NAALADL2: variants seen among roughly 807,000 people sequenced by gnomAD.
NAALADL2 encodes the protein N-acetylated alpha-linked acidic dipeptidase like 2, also known as inactive N-acetylated-alpha-linked acidic dipeptidase-like protein 2.
Under a neutral mutation model 87.2 loss-of-function variants are expected in NAALADL2, and 76 were observed. That is an observed-to-expected ratio of 0.87 (90% confidence interval 0.72 to 1.05). NAALADL2 has a LOEUF of 1.05. Among genes scored for constraint, NAALADL2 ranks in the 50% least tolerant of loss-of-function variants. The probability of loss-of-function intolerance (pLI) is 0.00; values close to 1 mark genes in which losing one functional copy is unlikely to be tolerated. For synonymous variants in NAALADL2, 354 were observed against 331.0 expected (o/e 1.07, Z -0.75); for missense variants, 1,089 against 945.8 (o/e 1.15, Z -1.99).
In NAALADL2 at chr3:175,350,068, A is replaced by G. The variant is rs1006394045; in HGVS notation, c.1090+25743A>G. 1.0e-4 allele frequency among the ~76,000 whole-genome samples: 15 copies of G among 150,064 alleles called. No homozygotes were observed. The East Asian group carries it at 2.4e-3, about 24-fold the overall frequency. ...CAAGGCTTGATTGAAAAAAAAAAAAAGGATAAACTTAATAGTCCTTAATTA... is the reference window on the plus strand; with the variant it reads ...CAAGGCTTGATTGAAAAAAAAAAAAGGGATAAACTTAATAGTCCTTAATTA... On this transcript the variant is annotated intron_variant, in intron 5 of 13. Coordinates refer to ENST00000454872, the MANE Select transcript of NAALADL2 (RefSeq NM_207015.3).
intron 5 of NAALADL2, among the ~76,000 whole-genome samples, chr3:175,421,417 C>T (rs1715676967): frequency 6.6e-6 from 1 of 152,006 alleles, no homozygotes; most frequent in African/African-American, 2.4e-5. Flanking sequence ...TTAATATGTC[C>T]TCAAGGTCAC....
rs987617238 is a variant in NAALADL2, at chr3:174,471,557, C to T, written c.-184+30525C>T. Among the ~76,000 whole-genome samples, 6 of 142,296 alleles carry T rather than the reference C, an allele frequency of 4.2e-5. No individual in the cohort carries two copies. The Admixed American group carries it at 4.5e-4, about 11-fold the overall frequency. 93.4% of individuals were successfully genotyped at this position (142,296 alleles called of 152,430 possible). A position where few individuals can be genotyped will look rare whatever the true frequency, so the allele number is the denominator to read the frequency against. ...TTTTCTATTTTTTTCTACAAAAATT[C>T]CATGAGACTATCAATTTTTTTTAAG... On this transcript the variant is annotated intron_variant, in intron 1 of 3. Transcript: ENST00000434257.
At chr3:175,260,722 A>G (rs775660104) in intron 4 of NAALADL2, among the ~76,000 whole-genome samples, 11 of 152,188 alleles carry the variant, frequency 7.2e-5, no homozygotes, top group Non-Finnish European at 1.2e-4. Flanking sequence ...GCTGTGCAGT[A>G]GTTACTAAAT....
At chr3:174,658,546 A>G (rs904371117) in intron 2 of NAALADL2, among the ~76,000 whole-genome samples, 2 of 152,038 alleles carry the variant, frequency 1.3e-5, no homozygotes, top group Non-Finnish European at 2.9e-5. Flanking sequence ...TGCAATCATC[A>G]TTACCTTTGA....
At chr3:175,160,518 A>G (rs1023124695) in intron 2 of NAALADL2, among the ~76,000 whole-genome samples, 22 of 150,870 alleles carry the variant, frequency 1.5e-4, no homozygotes, top group Non-Finnish European at 3.1e-4. Flanking sequence ...ACATCCAGCT[A>G]ATTTTGTATT....
chr3:175,508,080 G>A (rs1730604316), intron 9 of NAALADL2, among the ~76,000 whole-genome samples: 2 of 152,154 alleles, frequency 1.3e-5, no homozygotes, highest in Non-Finnish European at 2.9e-5. Context: ...ACAAAGGCAG[G>A]AGCAAGTGAT....
chr3:175,277,617 T>A (rs1457204031), intron 4 of NAALADL2, among the ~76,000 whole-genome samples: 1 of 152,186 alleles, frequency 6.6e-6, no homozygotes, highest in Non-Finnish European at 1.5e-5. Flanking sequence ...CCTTATTGTG[T>A]CAACCCATAC....
intron 3 of NAALADL2, among the ~76,000 whole-genome samples, chr3:174,761,472 C>A (rs182804853): frequency 3.5e-4 from 54 of 152,178 alleles, no homozygotes; most frequent in Non-Finnish European, 6.5e-4. Flanking sequence ...GGATCACTTA[C>A]AAGGTTCTTG....
intron 5 of NAALADL2, among the ~76,000 whole-genome samples, chr3:175,379,229 T>C (rs750802910): frequency 1.3e-4 from 20 of 151,956 alleles, no homozygotes; most frequent in Non-Finnish European, 1.2e-4. Context: ...TCTTCTTTCA[T>C]TATTTTCAGT....
At chr3:175,723,142 A>C (rs1455598929) in intron 11 of NAALADL2, among the ~76,000 whole-genome samples, 1 of 152,132 alleles carries the variant, frequency 6.6e-6, no homozygotes, top group African/African-American at 2.4e-5. Context: ...CATTTATATG[A>C]GCAAGTCGCC....
intron 5 of NAALADL2, among the ~76,000 whole-genome samples, chr3:175,399,026 AT>A (rs919534517): frequency 4.0e-5 from 6 of 151,772 alleles, no homozygotes; most frequent in African/African-American, 7.2e-5. Flanking sequence ...CCTAGGTACA[AT>A]TTTTTTTAAC....
At chr3:174,559,808 C>T (rs1713358620) in intron 2 of NAALADL2, among the ~76,000 whole-genome samples, 1 of 152,090 alleles carries the variant, frequency 6.6e-6, no homozygotes, top group African/African-American at 2.4e-5. Flanking sequence ...TCCCAAAGGC[C>T]CTACCTACTA....
At chr3:175,320,056 G>A (rs1237293303) in intron 4 of NAALADL2, among the ~76,000 whole-genome samples, 2 of 152,096 alleles carry the variant, frequency 1.3e-5, no homozygotes, top group Admixed American at 6.5e-5. Flanking sequence ...GTCACACAAC[G>A]AGCAGTGACT....
At chr3:174,886,009 G>T (rs966313133) in intron 1 of NAALADL2, among the ~76,000 whole-genome samples, 25 of 144,834 alleles carry the variant, frequency 1.7e-4, no homozygotes, top group African/African-American at 6.1e-4. Context: ...CGCCTCCTGG[G>T]TTCACGCCAT....
chr3:175,525,538 C>G (rs1464520484), intron 9 of NAALADL2, among the ~76,000 whole-genome samples: 1 of 151,996 alleles, frequency 6.6e-6, no homozygotes, highest in Non-Finnish European at 1.5e-5. Context: ...TTTCTCAAAT[C>G]TAGTTTTCTC....
chr3:175,073,871 T>C (rs1716108631), intron 1 of NAALADL2, among the ~76,000 whole-genome samples: 1 of 152,030 alleles, frequency 6.6e-6, no homozygotes, highest in Admixed American at 6.6e-5. Context: ...AAACCTCAGT[T>C]AGGACTTCTT....
At chr3:175,024,718 A>AT (rs201755469) in intron 1 of NAALADL2, among the ~76,000 whole-genome samples, 3,743 of 111,516 alleles carry the variant, frequency 0.034, 164 homozygotes, top group African/African-American at 0.094. Context: ...TAATTATCTT[A>AT]TTTTTTTTCA....
intron 2 of NAALADL2, among the ~76,000 whole-genome samples, chr3:174,584,592 A>G (rs933755212): frequency 3.3e-5 from 5 of 152,132 alleles, no homozygotes; most frequent in Non-Finnish European, 5.9e-5. Flanking sequence ...TCAAAAAATT[A>G]TGGTCAGATT....
chr3:174,559,958 GATC>G (rs930318585), intron 2 of NAALADL2, among the ~76,000 whole-genome samples: 4 of 152,166 alleles, frequency 2.6e-5, no homozygotes, highest in African/African-American at 9.7e-5. Context: ...TCTTTGAGCA[GATC>G]ATTTTTACCT....
Sources: gnomAD v4.1 joint callset for allele counts (sites outside exome capture counted in the v4.1 genomes callset) on GRCh38, gnomAD v4.1.1 for gene constraint, MANE v1.5 for transcripts, NCBI Gene and HGNC (gene_info 2026-07-23, HGNC 2026-07-21) for gene names.